Variants in HPSE observed in about 807,000 individuals in gnomAD.
The protein encoded by HPSE is heparanase.
In HPSE, 48 loss-of-function variants were observed where a neutral mutation model predicts 65.1. The ratio of observed to expected loss-of-function variants is 0.74; its 90% confidence interval spans 0.58 to 0.94. The LOEUF is 0.94. Among genes scored for constraint, HPSE ranks in the 40% least tolerant of loss-of-function variants. HPSE has a pLI of 0.00. For missense variants in HPSE, 644 were observed against 637.5 expected (o/e 1.01, Z -0.11); for synonymous variants, 243 against 260.0 (o/e 0.93, Z 0.63).
At chr4:83,319,535 T>C (rs1029632508) in intron 2 of HPSE, 66 bp from the exon 3 acceptor site, 9 of 1,481,138 alleles carry the variant, frequency 6.1e-6, no homozygotes, top group Admixed American at 5.3e-5. Flanking sequence ...TCGCATATAT[T>C]TATTTAGTTA....
At position 83,293,474 on chromosome 4, in the gene HPSE, A is replaced by C. The variant is rs560016904; in HGVS notation, c.*1870T>G. 2.6e-5 allele frequency: 4 copies of C among 152,238 alleles called. No homozygotes were observed. The highest frequency in any genetic ancestry group is 2.0e-4 in the Admixed American group (3 of 15,288). 9.4% of individuals were successfully genotyped at this position (152,238 alleles called of 1,614,324 possible). A position where few individuals can be genotyped will look rare whatever the true frequency, so the allele number is the denominator to read the frequency against. On this transcript the variant is annotated 3_prime_UTR_variant, in exon 12 of 12. Transcript: ENST00000311412. Reference sequence around the variant, plus strand: ...CTGGGAAGAACCCAGATCCCTGGTGACGTACTGAAGTGCTGGAGCCTGGCC... The same window carrying C: ...CTGGGAAGAACCCAGATCCCTGGTGCCGTACTGAAGTGCTGGAGCCTGGCC...
chr4:83,334,660 C>G lies in HPSE; in HGVS notation c.123G>C (p.Leu41=). The change falls in exon 1 of 12, where the codon CTG becomes CTC. Residue 41 remains leucine (L), a synonymous_variant. Coordinates refer to ENST00000311412, the MANE Select transcript of HPSE (RefSeq NM_001098540.3). ...GCAGCGGCTCCTGGGTGAAGAAGTC[C>G]AGGTCCACGACGTCCTGTGCTTGCG... ...RPAQAQDVVD[L]DFFTQEPLHL... is the part of the protein sequence containing the mutation. 1 of 1,580,918 alleles carries G rather than the reference C, an allele frequency of 6.3e-7. No homozygotes were observed. The highest frequency in any genetic ancestry group is 8.6e-7 in the Non-Finnish European group (1 of 1,163,394).
At chr4:83,302,642 C>A (rs1429555627) in intron 9 of HPSE, among the ~76,000 whole-genome samples, 1 of 152,154 alleles carries the variant, frequency 6.6e-6, no homozygotes, top group African/African-American at 2.4e-5. Flanking sequence ...CACACAAAGA[C>A]AAATTTTTAA....
chr4:83,296,178 T>A (rs898031889), intron 11 of HPSE, among the ~76,000 whole-genome samples: 5 of 152,208 alleles, frequency 3.3e-5, no homozygotes, highest in African/African-American at 7.2e-5. Flanking sequence ...AAAGTGTTAT[T>A]TCTTATACAT....
chr4:83,314,882 G>A (rs1227542291), intron 3 of HPSE, among the ~76,000 whole-genome samples: 1 of 152,166 alleles, frequency 6.6e-6, no homozygotes, highest in Non-Finnish European at 1.5e-5. Flanking sequence ...TAAGCTGAGT[G>A]CAGTGGCTCA....
chr4:83,333,383 C>A (rs1199727974), intron 1 of HPSE, among the ~76,000 whole-genome samples: 1 of 152,192 alleles, frequency 6.6e-6, no homozygotes, highest in African/African-American at 2.4e-5. Flanking sequence ...AGCTGAGAGT[C>A]AAGCCAGGAT....
chr4:83,323,793 T>G (rs1159693487), intron 1 of HPSE, among the ~76,000 whole-genome samples: 1 of 152,320 alleles, frequency 6.6e-6, no homozygotes, highest in Non-Finnish European at 1.5e-5. Flanking sequence ...GCCTATCATG[T>G]GCTTAGAATG....
At chr4:83,313,021 CAAA>C (rs370866017) in intron 4 of HPSE, 90 bp downstream of exon 4, 2,837 of 635,744 alleles carry the variant, frequency 4.5e-3, no homozygotes, top group South Asian at 6.6e-3. Context: ...GACTCTGTCT[CAAA>C]AAAAAAAAAA....
At chr4:83,322,104 G>A (rs1344819698) in intron 2 of HPSE, 115 bp downstream of exon 2, 1 of 813,872 alleles carries the variant, frequency 1.2e-6, no homozygotes, top group Admixed American at 2.6e-5. Context: ...CAGATGAGGG[G>A]AGAGGAAGTT....
At chr4:83,321,661 T>C (rs1736897763) in intron 2 of HPSE, among the ~76,000 whole-genome samples, 1 of 152,138 alleles carries the variant, frequency 6.6e-6, no homozygotes, top group South Asian at 2.1e-4. Context: ...CTGATAGCAC[T>C]TCTGAAAGAC....
chr4:83,334,559 A>G lies in HPSE; in HGVS notation c.224T>C (p.Leu75Pro). 1 of 1,579,446 alleles carries G rather than the reference A, an allele frequency of 6.3e-7. No homozygotes were observed. Among genetic ancestry groups the G allele is most frequent in the Non-Finnish European group, 8.6e-7 (1 of 1,162,610 alleles). Residue 75 changes from leucine (L) to proline (P), a missense_variant, in exon 1 of 12, where the codon CTG becomes CCG. Leu to Pro is a moderately conservative substitution (Grantham distance 98, BLOSUM62 -3). Transcript: ENST00000311412. ...GGACCAGGAGGCTGGCGCTTACCCCAGGAGGATGAGGAACCGCGGGTCCGT... is the reference window on the plus strand; with the variant it reads ...GGACCAGGAGGCTGGCGCTTACCCCGGGAGGATGAGGAACCGCGGGTCCGT... ...LATDPRFLILLGSPKLRTLAR... is the reference protein window; with the variant it reads ...LATDPRFLILPGSPKLRTLAR...
Position 83,310,910 on chromosome 4 carries a change from A to C in HPSE, c.674-20T>G. ...TAGGTTCTGAAAGACAGCAATTCTC[A>C]AAATATATATCGAGAAATGTTGTAT... On this transcript the variant is annotated intron_variant, in intron 4 of 11. Coordinates refer to ENST00000311412, the MANE Select transcript of HPSE (RefSeq NM_001098540.3). 2 of 1,574,796 alleles carry C rather than the reference A, an allele frequency of 1.3e-6. No homozygotes were observed. Among genetic ancestry groups the C allele is most frequent in the Non-Finnish European group, 1.7e-6 (2 of 1,149,292 alleles).
chr4:83,306,302 C>T lies in HPSE; in HGVS notation c.1107G>A (p.Leu369=), dbSNP rs1328713836. 6.2e-7 allele frequency: 1 copy of T among 1,610,242 alleles called. No individual in the cohort carries two copies. The highest frequency in any genetic ancestry group is 8.5e-7 in the Non-Finnish European group (1 of 1,176,580). ...FAAGFMWLDK[L]GLSARMGIEV... ...CTATTCCCATTCGGGCTGACAGGCC[C>T]AATTTATCCAGCCACCTGGGACAGA... The change falls in exon 9 of 12, where the codon TTG becomes TTA. Residue 369 remains leucine (L), a synonymous_variant. Transcript: ENST00000311412.
At position 83,316,458 on chromosome 4, in the gene HPSE, C is replaced by T. The variant is rs1220945089; in HGVS notation, c.499+2886G>A. Among the ~76,000 whole-genome samples, 4 of 152,184 alleles carry T rather than the reference C, an allele frequency of 2.6e-5. No individual in the cohort carries two copies. In the East Asian group the frequency reaches 7.7e-4, roughly 29 times the overall value. Reference sequence around the variant, plus strand: ...CCCAATCCTTTCCAGACTCTCATCTCTTACTGTATAAAGAGTGGAGAGATC... The same window carrying T: ...CCCAATCCTTTCCAGACTCTCATCTTTTACTGTATAAAGAGTGGAGAGATC... On this transcript the variant is annotated intron_variant, in intron 3 of 11. Coordinates refer to ENST00000311412, the MANE Select transcript of HPSE (RefSeq NM_001098540.3).
intron 2 of HPSE, among the ~76,000 whole-genome samples, chr4:83,320,439 G>A (rs1040846163): frequency 6.6e-6 from 1 of 152,098 alleles, no homozygotes; most frequent in African/African-American, 2.4e-5. Flanking sequence ...GGTGGTGTGT[G>A]CCTGTGGTCC....
intron 3 of HPSE, among the ~76,000 whole-genome samples, chr4:83,315,547 T>C (rs1474523446): frequency 6.6e-6 from 1 of 152,190 alleles, no homozygotes; most frequent in Non-Finnish European, 1.5e-5. Flanking sequence ...TAGTCACACA[T>C]TATAGGCTTT....
At position 83,310,702 on chromosome 4, in the gene HPSE, C is replaced by T; in HGVS notation, c.842+20G>A. 1 of 1,582,612 alleles carries T rather than the reference C, an allele frequency of 6.3e-7. No homozygotes were observed. Among genetic ancestry groups the T allele is most frequent in the Non-Finnish European group, 8.6e-7 (1 of 1,165,564 alleles). On this transcript the variant is annotated intron_variant, in intron 5 of 11. Transcript: ENST00000311412. ...GAAAAAGAAGAAAAGTAAAGTGATT[C>T]TGCATCCTCTAGTTCCTACCTCTTC...
chr4:83,312,281 C>G (rs1373285300), intron 4 of HPSE, among the ~76,000 whole-genome samples: 4 of 152,162 alleles, frequency 2.6e-5, no homozygotes, highest in Non-Finnish European at 5.9e-5. Context: ...ATAATAGGTT[C>G]TGGAATAAAT....
In HPSE at chr4:83,312,888, GGC is replaced by G. The variant is rs202246451; in HGVS notation, c.673+224_673+225del. ...AAAAAAAAAATTAGCTGGGCGCGGT[GGC>G]GGGTGCCTGTAGTCCCAGCTACTCG... On this transcript the variant is annotated intron_variant, in intron 4 of 11. Transcript: ENST00000311412. 7.1e-3 allele frequency among the ~76,000 whole-genome samples: 769 copies of G among 108,970 alleles called. 12 individuals are homozygous for G. Among genetic ancestry groups the G allele is most frequent in the African/African-American group, 0.028 (727 of 25,712 alleles). The allele number at this position is 108,970 out of a possible 152,430, so 71.5% of individuals were successfully genotyped here.
Sources: gnomAD v4.1 joint callset for allele counts (sites outside exome capture counted in the v4.1 genomes callset) on GRCh38, gnomAD v4.1.1 for gene constraint, MANE v1.5 for transcripts, NCBI Gene and HGNC (gene_info 2026-07-23, HGNC 2026-07-21) for gene names.